The following MBNL1 variants were observed in gnomAD, a reference collection of about 807,000 sequenced individuals.
The protein encoded by MBNL1 is muscleblind like splicing regulator 1.
A neutral mutation model predicts 42.2 loss-of-function variants in MBNL1; 8 were observed. That is an observed-to-expected ratio of 0.19 (90% confidence interval 0.11 to 0.34). The LOEUF is 0.34. Among genes scored for constraint, MBNL1 ranks in the 10% least tolerant of loss-of-function variants. The probability of loss-of-function intolerance (pLI) is 1.00; values close to 1 mark genes in which losing one functional copy is unlikely to be tolerated. For synonymous variants in MBNL1, 169 were observed against 173.9 expected, an observed-to-expected ratio of 0.97 and a Z score of 0.22; for missense variants, 309 against 495.3, an observed-to-expected ratio of 0.62 and a Z score of 3.57.
intron 2 of MBNL1, among the ~76,000 whole-genome samples, chr3:152,407,719 G>A (rs981741267): frequency 1.3e-5 from 2 of 152,062 alleles, no homozygotes; most frequent in East Asian, 1.9e-4. Context: ...GCAAAGACAT[G>A]GAATTAACCC....
chr3:152,409,856 G>T (rs1038845337), intron 2 of MBNL1, among the ~76,000 whole-genome samples: 2 of 152,066 alleles, frequency 1.3e-5, no homozygotes, highest in African/African-American at 4.8e-5. Context: ...TTAAGTAGAA[G>T]AAATATAATT....
intron 6 of MBNL1, among the ~76,000 whole-genome samples, chr3:152,453,875 TAATA>T (rs1728436444): frequency 1.3e-5 from 2 of 152,340 alleles, no homozygotes; most frequent in African/African-American, 4.8e-5. Flanking sequence ...CTCAGCCTAA[TAATA>T]AATAATTGAA....
chr3:152,400,499 T>C (rs935218971), intron 2 of MBNL1, among the ~76,000 whole-genome samples: 2 of 152,334 alleles, frequency 1.3e-5, no homozygotes, highest in East Asian at 3.9e-4. Flanking sequence ...GATAATACAC[T>C]CTTTCTTAAG....
chr3:152,411,324 A>G lies in MBNL1; in HGVS notation c.175-3617A>G, dbSNP rs140253568. 4.7e-3 allele frequency among the ~76,000 whole-genome samples: 718 copies of G among 152,302 alleles called. 2 individuals are homozygous for G. Among genetic ancestry groups the G allele is most frequent in the African/African-American group, 0.016 (677 of 41,560 alleles). On this transcript the variant is annotated intron_variant, in intron 2 of 9. Coordinates refer to ENST00000324210, the MANE Select transcript of MBNL1 (RefSeq NM_021038.5). ...ATCATGAGGTCAGGAGATCGAGACC[A>G]TCCTGGCTAACATGGTGAAACCCCA...
intron 4 of MBNL1, among the ~76,000 whole-genome samples, chr3:152,440,467 T>C (rs1426658548): frequency 6.6e-6 from 1 of 152,168 alleles, no homozygotes; most frequent in Non-Finnish European, 1.5e-5. Flanking sequence ...CATAACCCTT[T>C]TAAAACCATC....
At chr3:152,410,276 A>C (rs2098536727) in intron 2 of MBNL1, among the ~76,000 whole-genome samples, 2 of 152,176 alleles carry the variant, frequency 1.3e-5, no homozygotes. Context: ...GCAGTTTGAA[A>C]GACTAATGAG....
chr3:152,372,687 G>T (rs532440938), intron 2 of MBNL1, among the ~76,000 whole-genome samples: 2 of 152,244 alleles, frequency 1.3e-5, no homozygotes, highest in African/African-American at 4.8e-5. Context: ...TCCCAGAGGG[G>T]CACCCGCCAG....
At chr3:152,389,289 A>G (rs919206811) in intron 2 of MBNL1, among the ~76,000 whole-genome samples, 5 of 152,098 alleles carry the variant, frequency 3.3e-5, no homozygotes, top group African/African-American at 9.7e-5. Flanking sequence ...GGGTTTCTCC[A>G]TGTTGGTCAG....
intron 2 of MBNL1, among the ~76,000 whole-genome samples, chr3:152,370,130 C>T (rs1162142319): frequency 2.6e-5 from 4 of 152,064 alleles, no homozygotes; most frequent in African/African-American, 9.7e-5. Flanking sequence ...CCTGCTTTCT[C>T]CTGTGAGCGC....
chr3:152,325,863 A>C, intron 2 of MBNL1, among the ~76,000 whole-genome samples: 1 of 151,986 alleles, frequency 6.6e-6, no homozygotes, highest in African/African-American at 2.4e-5. Flanking sequence ...GCAATTTTTA[A>C]ATGTACATAA....
chr3:152,360,461 C>T (rs1016147734), intron 2 of MBNL1, among the ~76,000 whole-genome samples: 2 of 152,092 alleles, frequency 1.3e-5, no homozygotes, highest in African/African-American at 2.4e-5. Context: ...GTCACTTACT[C>T]ATCCTGGAAT....
chr3:152,447,283 G>A (rs573230558), intron 5 of MBNL1, among the ~76,000 whole-genome samples: 12 of 152,210 alleles, frequency 7.9e-5, no homozygotes, highest in African/African-American at 2.9e-4. Flanking sequence ...CATGGAGCTC[G>A]CAGTGCGGCT....
In MBNL1 at chr3:152,316,867, T is replaced by TTTTA. The variant is rs953176649; in HGVS notation, c.174+16516_174+16519dup. 6.6e-4 allele frequency among the ~76,000 whole-genome samples: 100 copies of TTTTA among 152,172 alleles called. No individual in the cohort carries two copies. In the South Asian group the frequency reaches 0.018, roughly 27 times the overall value. On this transcript the variant is annotated intron_variant, in intron 2 of 9. Transcript: ENST00000324210. ...TTCCTCCTCTTCCTTCTTTTTCTTC[T>TTTTA]TTTATTTATTTATTTATTTTGCTTT... is the stretch of plus-strand genomic sequence containing the variant.
intron 3 of MBNL1, among the ~76,000 whole-genome samples, chr3:152,416,775 C>G (rs756819457): frequency 2.6e-5 from 4 of 152,158 alleles, no homozygotes; most frequent in Non-Finnish European, 4.4e-5. Context: ...AATCCTGGGA[C>G]AAACTGTAAA....
intron 4 of MBNL1, among the ~76,000 whole-genome samples, chr3:152,444,246 A>C (rs970680234): frequency 2.6e-5 from 4 of 152,200 alleles, no homozygotes; most frequent in African/African-American, 4.8e-5. Context: ...AAAAGGGTCA[A>C]AGTATCCTGA....
Position 152,332,719 on chromosome 3 carries a change from TGTGTGTGTGTGTGTGTGTGTGC to T in MBNL1, c.174+32354_174+32375del, listed in dbSNP as rs1371240200. 2.4e-3 allele frequency among the ~76,000 whole-genome samples: 311 copies of T among 129,704 alleles called. 2 individuals are homozygous for T. Among genetic ancestry groups the T allele is most frequent in the African/African-American group, 9.5e-3 (298 of 31,328 alleles). The allele number at this position is 129,704 out of a possible 152,430, so 85.1% of individuals were successfully genotyped here. A position where few individuals can be genotyped will look rare whatever the true frequency, so the allele number is the denominator to read the frequency against. ...GTGTGTGTGTGTGTGTGTGTGTGTG[TGTGTGTGTGTGTGTGTGTGTGC>T]GCGCGCGCATGCGCACACACTAGTT... On this transcript the variant is annotated intron_variant, in intron 2 of 9. Transcript: ENST00000324210.
intron 2 of MBNL1, among the ~76,000 whole-genome samples, chr3:152,343,642 A>T (rs914995604): frequency 1.3e-5 from 2 of 152,048 alleles, no homozygotes; most frequent in Non-Finnish European, 2.9e-5. Flanking sequence ...TGTCCTGGGG[A>T]TGGGGGTGGG....
intron 2 of MBNL1, among the ~76,000 whole-genome samples, chr3:152,341,745 A>G (rs746447125): frequency 2.6e-5 from 4 of 152,214 alleles, no homozygotes; most frequent in Admixed American, 1.3e-4. Context: ...CATTAGGCAT[A>G]TCCATGTAGA....
At chr3:152,340,666 T>G in intron 2 of MBNL1, 1 of 1,614,026 alleles carries the variant, frequency 6.2e-7, no homozygotes, top group Non-Finnish European at 8.5e-7. Flanking sequence ...TGTTAGAATC[T>G]TATTCGCATA....
Sources: allele counts gnomAD v4.1 joint callset (sites outside exome capture counted in the v4.1 genomes callset), GRCh38; gene constraint gnomAD v4.1.1; transcripts MANE v1.5; gene names NCBI Gene and HGNC (gene_info 2026-07-23, HGNC 2026-07-21).